CNOT1: variants seen among roughly 807,000 people sequenced by gnomAD.
The protein encoded by CNOT1 is CCR4-associated factor 1.
Under a neutral mutation model 273.8 loss-of-function variants are expected in CNOT1, and 15 were observed. The ratio of observed to expected loss-of-function variants is 0.05; its 90% CI spans 0.04 to 0.08. The LOEUF (loss-of-function observed/expected upper bound fraction) is 0.08, where lower values mean the gene tolerates loss of function less well. Ranked by LOEUF, CNOT1 falls within the 10% of genes least tolerant of loss-of-function variation. CNOT1 has a pLI of 1.00. For missense variants in CNOT1, 1,644 were observed against 2,912.2 expected (o/e 0.56, Z 10.02); for synonymous variants, 1,022 against 1,005.5 (o/e 1.02, Z -0.31).
At chr16:58,623,432 G>C (rs1003339173) in intron 1 of CNOT1, 8 of 152,114 alleles carry the variant, frequency 5.3e-5, no homozygotes, top group African/African-American at 1.9e-4. Context: ...GGCAAGATGA[G>C]AGGATTAGGA....
intron 16 of CNOT1, among the ~76,000 whole-genome samples, chr16:58,568,685 T>A (rs11859781): frequency 0.75 from 114,167 of 151,666 alleles, 43,352 homozygotes; most frequent in Middle Eastern, 0.86. Flanking sequence ...GTCTCGATTT[T>A]AAAAAAAAGA....
At chr16:58,573,410 A>G (rs1425373402) in intron 16 of CNOT1, among the ~76,000 whole-genome samples, 1 of 152,094 alleles carries the variant, frequency 6.6e-6, no homozygotes, top group Non-Finnish European at 1.5e-5. Context: ...TTAAGACAGC[A>G]GTACTCCCCC....
At chr16:58,623,752 G>A (rs892335684) in intron 1 of CNOT1, among the ~76,000 whole-genome samples, 1 of 152,128 alleles carries the variant, frequency 6.6e-6, no homozygotes, top group African/African-American at 2.4e-5. Flanking sequence ...ACTTTGGGAG[G>A]CTGAGGTGGG....
chr16:58,609,028 C>G (rs1300213834), intron 1 of CNOT1, among the ~76,000 whole-genome samples: 1 of 152,176 alleles, frequency 6.6e-6, no homozygotes, highest in Non-Finnish European at 1.5e-5. Flanking sequence ...AAAGTGGGTA[C>G]AGTGTATACT....
Position 58,599,302 on chromosome 16 carries a change from T to G in CNOT1, c.36A>C (p.Gln12His), listed in dbSNP as rs751574536. ...NLDSLSLALS[Q>H]ISYLVDNLTK... ...TTAAATTGTCCACCAGGTAGCTGATTTGAGACAAGGCCAGCGAGAGCGAGT... is the reference window on the plus strand; with the variant it reads ...TTAAATTGTCCACCAGGTAGCTGATGTGAGACAAGGCCAGCGAGAGCGAGT... The change falls in exon 2 of 49, where the codon CAA becomes CAC. Residue 12 changes from glutamine to histidine, a missense_variant. Transcript: ENST00000317147. The G allele has an allele frequency of 9.9e-6, 16 of 1,614,214 alleles. No homozygotes were observed. Among genetic ancestry groups the G allele is most frequent in the Non-Finnish European group, 1.2e-5 (14 of 1,180,030 alleles).
intron 25 of CNOT1, among the ~76,000 whole-genome samples, chr16:58,549,461 A>C (rs2040384421): frequency 6.6e-6 from 1 of 152,190 alleles, no homozygotes; most frequent in Admixed American, 6.5e-5. Flanking sequence ...TAACAGTGGT[A>C]AAGTTCTAAA....
chr16:58,559,017 C>G (rs1407016984), intron 17 of CNOT1, among the ~76,000 whole-genome samples: 1 of 152,124 alleles, frequency 6.6e-6, no homozygotes, highest in East Asian at 1.9e-4. Flanking sequence ...GGGATGGGAC[C>G]CATGTCAAAA....
chr16:58,594,270 C>CA (rs1382636739), intron 2 of CNOT1, among the ~76,000 whole-genome samples: 1 of 151,604 alleles, frequency 6.6e-6, no homozygotes, highest in Non-Finnish European at 1.5e-5. Context: ...AAACAAAAAA[C>CA]AAAAAAAGAA....
intron 7 of CNOT1, 73 bp downstream of exon 7, chr16:58,586,472 G>A (rs1180009291): frequency 2.6e-6 from 3 of 1,151,648 alleles, no homozygotes; most frequent in Non-Finnish European, 3.7e-6. Flanking sequence ...GGAGGGGAGG[G>A]GGGAATGCTT....
intron 1 of CNOT1, among the ~76,000 whole-genome samples, chr16:58,603,430 T>TAA (rs1567438311): frequency 1.3e-4 from 20 of 150,198 alleles, no homozygotes; most frequent in African/African-American, 4.6e-4. Flanking sequence ...TGTGTGTGTG[T>TAA]GTGTGTGTGT....
At chr16:58,553,394 T>C (rs2040519778) in intron 22 of CNOT1, among the ~76,000 whole-genome samples, 1 of 152,208 alleles carries the variant, frequency 6.6e-6, no homozygotes, top group South Asian at 2.1e-4. Context: ...TGGCTCATAT[T>C]AACTCAAAAA....
chr16:58,525,334 T>C lies in CNOT1; in HGVS notation c.6629A>G (p.Tyr2210Cys). The C allele has an allele frequency of 6.2e-7, 1 of 1,613,572 alleles. No individual in the cohort carries two copies. Among genetic ancestry groups the C allele is most frequent in the Non-Finnish European group, 8.5e-7 (1 of 1,180,038 alleles). The part of the protein sequence containing the change: ...LQVSNEPGNR[Y>C]NLQLINALVL... ...CAGTGCATTGATGAGCTGGAGGTTG[T>C]AGCGATTCCCAGGTTCATTGGATAC... The change falls in exon 46 of 49, where the codon TAC (tyrosine) becomes TGC (cysteine). Residue 2210 changes from tyrosine (Y) to cysteine (C), a missense_variant. By Grantham distance (194) the Tyr-to-Cys change is radical (BLOSUM62 -2). Around this residue, in one of 13 missense-constraint regions of CNOT1, gnomAD observed 140 missense variants for 324.6 expected, o/e 0.43. Transcript: ENST00000317147.
intron 7 of CNOT1, among the ~76,000 whole-genome samples, 176 bp from the exon 8 acceptor site, chr16:58,585,682 T>G (rs947510406): frequency 3.9e-5 from 6 of 152,224 alleles, no homozygotes; most frequent in African/African-American, 1.4e-4. Flanking sequence ...ATTCCAAAAT[T>G]TGAATACTTT....
intron 18 of CNOT1, 145 bp from the exon 19 acceptor site, chr16:58,557,138 T>C (rs2040657718): frequency 8.7e-7 from 1 of 1,152,350 alleles, no homozygotes; most frequent in Non-Finnish European, 1.2e-6. Context: ...GTTAATTCCC[T>C]TATTACATCT....
intron 1 of CNOT1, among the ~76,000 whole-genome samples, chr16:58,623,608 T>C (rs908716814): frequency 6.6e-6 from 1 of 152,202 alleles, no homozygotes; most frequent in Non-Finnish European, 1.5e-5. Flanking sequence ...AGGCACAGTG[T>C]AGCCAGGGGA....
At chr16:58,574,809 T>C in intron 15 of CNOT1, 49 bp from the exon 16 acceptor site, 1 of 1,577,072 alleles carries the variant, frequency 6.3e-7, no homozygotes, top group Non-Finnish European at 8.5e-7. Flanking sequence ...ATCTTAAATG[T>C]TTTTGGATTA....
rs1396559050 is a variant in CNOT1 at position 58,581,665 on chromosome 16, TC to T, written c.1045-151del. The T allele has an allele frequency of 5.3e-6, 7 of 1,313,284 alleles. No homozygotes were observed. The East Asian group carries it at 7.9e-5, about 15-fold the overall frequency. The allele number at this position is 1,313,284 out of a possible 1,614,324, so 81.4% of individuals were successfully genotyped here. ...TTTTAAGAAACCCATTCTTTTTTTT[TC>T]TTTTTTTTTTTTTAAGACAGAGTCT... On this transcript the variant is annotated intron_variant, in intron 10 of 48. Coordinates refer to ENST00000317147, the MANE Select transcript of CNOT1 (RefSeq NM_016284.5).
At chr16:58,581,666 C>A (rs12920007) in intron 10 of CNOT1, 151 bp from the exon 11 acceptor site, 1 of 1,169,612 alleles carries the variant, frequency 8.5e-7, no homozygotes, top group Non-Finnish European at 1.1e-6. Context: ...CTTTTTTTTT[C>A]TTTTTTTTTT....
Position 58,536,843 on chromosome 16 carries a change from T to C in CNOT1, c.5646+146A>G, listed in dbSNP as rs1381899244. 3.1e-6 allele frequency: 4 copies of C among 1,305,602 alleles called. No individual in the cohort carries two copies. In the African/African-American group the frequency reaches 6.0e-5, roughly 20 times the overall value. 80.9% of individuals were successfully genotyped at this position (1,305,602 alleles called of 1,614,324 possible). On this transcript the variant is annotated intron_variant, in intron 39 of 48. Coordinates refer to ENST00000317147, the MANE Select transcript of CNOT1 (RefSeq NM_016284.5). ...CAACCATGAGAAAACAGGCTGTAAT[T>C]TAACCATATAATGATGACAGTTTGG...
Sources: allele counts gnomAD v4.1 joint callset (sites outside exome capture counted in the v4.1 genomes callset), GRCh38; gene constraint gnomAD v4.1.1; regional missense constraint gnomAD v4.1.1; transcripts MANE v1.5; gene names NCBI Gene and HGNC (gene_info 2026-07-23, HGNC 2026-07-21).